B4GALNT2: variants seen among roughly 807,000 people sequenced by gnomAD.
B4GALNT2 encodes beta-1,4-N-acetyl-galactosaminyltransferase 2 (SID blood group), also known as N-acetylneuraminylgalactosylglucosyl-glucoside beta-1,4-N- acetylgalactosaminyltransferase 2.
B4GALNT2 carries 42 observed loss-of-function variants against 51.1 expected under a neutral mutation model. That is an observed-to-expected ratio of 0.82 (90% CI 0.64 to 1.06). The LOEUF (loss-of-function observed/expected upper bound fraction) is 1.06. B4GALNT2 is among the 50% of genes least tolerant of loss of function. B4GALNT2 has a pLI of 0.00. For synonymous variants in B4GALNT2, 253 were observed against 251.7 expected (o/e 1.01, Z -0.05); for missense variants, 602 against 633.6 (o/e 0.95, Z 0.54).
chr17:49,132,851 G>A (rs2042551788), intron 1 of B4GALNT2, 45 bp downstream of exon 1: 1 of 1,371,940 alleles, frequency 7.3e-7, no homozygotes, highest in Non-Finnish European at 9.4e-7. Context: ...GAAACTTCGG[G>A]AGCAGGGAGC....
chr17:49,131,153 C>T (rs534075316), upstream of B4GALNT2, among the ~76,000 whole-genome samples: 5 of 152,168 alleles, frequency 3.3e-5, no homozygotes, highest in African/African-American at 9.6e-5. Flanking sequence ...GAATGAAGGA[C>T]GGGAATGAAT....
chr17:49,137,053 C>T (rs1483512965), intron 1 of B4GALNT2, among the ~76,000 whole-genome samples: 1 of 150,908 alleles, frequency 6.6e-6, no homozygotes, highest in Non-Finnish European at 1.5e-5. Flanking sequence ...CAGTTCATTA[C>T]CAGAAACCCA....
chr17:49,123,886 ACCATTCCAGCCAAAG>A, the B4GALNT2 span, among the ~76,000 whole-genome samples: 28 of 152,354 alleles, frequency 1.8e-4, no homozygotes, highest in East Asian at 5.4e-3. Context: ...AGGAAAGCAC[ACCATTCCAGCCAAAG>A]CCTTGGTAAA....
chr17:49,135,747 A>G (rs1460021373), intron 1 of B4GALNT2, among the ~76,000 whole-genome samples: 1 of 151,314 alleles, frequency 6.6e-6, no homozygotes, highest in Non-Finnish European at 1.5e-5. Flanking sequence ...CCAGGGCAAC[A>G]TAGTGAGAGC....
chr17:49,141,372 C>T lies in B4GALNT2; in HGVS notation c.140C>T (p.Pro47Leu). 3 of 1,614,174 alleles carry T rather than the reference C, an allele frequency of 1.9e-6. No individual in the cohort carries two copies. The East Asian group carries it at 6.7e-5, about 36-fold the overall frequency. The change falls in exon 2 of 11, where the codon CCT becomes CTT. Residue 47 changes from proline (P) to leucine (L), a missense_variant. By Grantham distance (98) the Pro-to-Leu change is moderately conservative. Transcript: ENST00000393354. ...FSSPKPELPS[P>L]APGVQKLKLL... ...AGCCCCAAGCCAGAACTCCCAAGTC[C>T]TGCCCCGGGTGTCCAGAAGCTGAAG...
intron 4 of B4GALNT2, among the ~76,000 whole-genome samples, chr17:49,154,863 G>A (rs992886867): frequency 6.6e-6 from 1 of 151,486 alleles, no homozygotes; most frequent in Non-Finnish European, 1.5e-5. Flanking sequence ...CACATAGAGA[G>A]GATGTACTTG....
At chr17:49,157,302 G>A (rs1220414052) in intron 5 of B4GALNT2, among the ~76,000 whole-genome samples, 1 of 149,732 alleles carries the variant, frequency 6.7e-6, no homozygotes, top group Non-Finnish European at 1.5e-5. Flanking sequence ...TGGGACTGCA[G>A]GCACGCACCA....
At chr17:49,125,654 G>C in the B4GALNT2 span, among the ~76,000 whole-genome samples, 2 of 149,242 alleles carry the variant, frequency 1.3e-5, no homozygotes, top group African/African-American at 2.5e-5. Context: ...CCCCGTCTGG[G>C]GGGTGAGGAG....
intron 2 of B4GALNT2, among the ~76,000 whole-genome samples, 183 bp downstream of exon 2, chr17:49,141,630 C>G (rs1367913649): frequency 6.6e-6 from 1 of 152,166 alleles, no homozygotes; most frequent in Non-Finnish European, 1.5e-5. Flanking sequence ...TCTATGTTCT[C>G]TATAGCATCC....
chr17:49,155,285 G>A (rs922023958), intron 4 of B4GALNT2, among the ~76,000 whole-genome samples: 6 of 120,980 alleles, frequency 5.0e-5, no homozygotes, highest in Non-Finnish European at 9.8e-5. Context: ...ATGACAGAGT[G>A]AGATTCAGTC....
chr17:49,137,476 G>A (rs1054796657), intron 1 of B4GALNT2, among the ~76,000 whole-genome samples: 1 of 152,176 alleles, frequency 6.6e-6, no homozygotes, highest in East Asian at 1.9e-4. Flanking sequence ...CAGCAAGAAG[G>A]TCCCCAGATG....
the B4GALNT2 span, among the ~76,000 whole-genome samples, chr17:49,120,492 G>C: frequency 2.9e-3 from 424 of 145,342 alleles, no homozygotes; most frequent in South Asian, 6.8e-3. Context: ...GTCTGTGTGT[G>C]TGTGTGTGTG....
upstream of B4GALNT2, chr17:49,132,659 G>T: frequency 9.0e-7 from 1 of 1,107,364 alleles, no homozygotes; most frequent in Non-Finnish European, 1.2e-6. Flanking sequence ...AGAGAAGGGC[G>T]GGGGCCGTCC....
At chr17:49,145,515 T>C (rs1361888034) in intron 3 of B4GALNT2, among the ~76,000 whole-genome samples, 2 of 152,272 alleles carry the variant, frequency 1.3e-5, no homozygotes, top group Admixed American at 1.3e-4. Flanking sequence ...GCTGGTCACA[T>C]GGTCGTAGCT....
the B4GALNT2 span, among the ~76,000 whole-genome samples, chr17:49,124,686 A>G: frequency 1.3e-5 from 2 of 152,080 alleles, no homozygotes; most frequent in African/African-American, 4.8e-5. Context: ...AGTGCTATTA[A>G]TGTTAAGCTC....
chr17:49,165,376 C>T (rs1477589601), intron 8 of B4GALNT2, among the ~76,000 whole-genome samples: 2 of 143,538 alleles, frequency 1.4e-5, no homozygotes, highest in Non-Finnish European at 3.1e-5. Context: ...TCTTCCTCTC[C>T]ACTCTCTCTT....
chr17:49,142,213 C>T (rs778237209), intron 3 of B4GALNT2, 41 bp downstream of exon 3: 1 of 1,611,422 alleles, frequency 6.2e-7, no homozygotes, highest in Non-Finnish European at 8.5e-7. Context: ...TGAGATGGAA[C>T]AAAAGCCCTC....
chr17:49,152,606 G>C (rs1443951982), intron 3 of B4GALNT2, among the ~76,000 whole-genome samples, 194 bp from the exon 4 acceptor site: 1 of 152,358 alleles, frequency 6.6e-6, no homozygotes, highest in African/African-American at 2.4e-5. Context: ...AGCCCGGGAG[G>C]CGGAGCTTGC....
intron 3 of B4GALNT2, among the ~76,000 whole-genome samples, chr17:49,148,116 A>G (rs1421961969): frequency 6.6e-6 from 1 of 151,936 alleles, no homozygotes; most frequent in African/African-American, 2.4e-5. Flanking sequence ...CCTGGCCAAC[A>G]TGGTGAAACC....
Sources: gnomAD v4.1 joint callset for allele counts (sites outside exome capture counted in the v4.1 genomes callset) on GRCh38, gnomAD v4.1.1 for gene constraint, MANE v1.5 for transcripts, NCBI Gene and HGNC (gene_info 2026-07-23, HGNC 2026-07-21) for gene names.